Variants in RAD50 observed in about 807,000 individuals in gnomAD.
The protein encoded by RAD50 is RAD50 double strand break repair protein.
RAD50 carries 132 observed loss-of-function variants against 168.8 expected under a neutral mutation model. The observed-to-expected ratio is 0.78, with a 90% CI of 0.68 to 0.90. The LOEUF (loss-of-function observed/expected upper bound fraction) is 0.90, where lower values mean the gene tolerates loss of function less well. Ranked by LOEUF, RAD50 falls within the 40% of genes least tolerant of loss-of-function variation. The pLI, the probability that RAD50 is intolerant of heterozygous loss-of-function variation, is 0.00. For missense variants in RAD50, 1,347 were observed against 1,534.4 expected (o/e 0.88, Z 2.04); for synonymous variants, 525 against 497.4 (o/e 1.06, Z -0.74).
At chr5:132,557,512 T>C in intron 1 of RAD50, 59 bp downstream of exon 1, 1 of 1,604,934 alleles carries the variant, frequency 6.2e-7, no homozygotes, top group East Asian at 2.2e-5. Flanking sequence ...GAGAATAAAA[T>C]GGGAAGTTGA....
Position 132,595,749 on chromosome 5 carries a change from G to T in RAD50, c.2146G>T (p.Glu716Ter). 3 of 1,613,506 alleles carry T rather than the reference G, an allele frequency of 1.9e-6. No individual in the cohort carries two copies. The highest frequency in any genetic ancestry group is 2.5e-6 in the Non-Finnish European group (3 of 1,179,722). Residue 716 changes from glutamate (E) to a stop codon, truncating the protein, a stop_gained, in exon 13 of 25, where the codon GAA becomes TAA. Transcript: ENST00000378823. LOFTEE classifies it high-confidence loss of function. ...TGCTCCAGATAAACTCAAGTCAACA[G>T]AATCAGAGCTAAAAAAAAAGGAAAA... The part of the protein sequence containing the change: ...RLAPDKLKST[E>*]SELKKKEKRR...
At chr5:132,631,728 C>CAGG (rs761005077) in intron 21 of RAD50, among the ~76,000 whole-genome samples, 2 of 152,128 alleles carry the variant, frequency 1.3e-5, no homozygotes, top group Non-Finnish European at 2.9e-5. Context: ...GGTTCTTGTA[C>CAGG]AGGATCTCAC....
intron 1 of RAD50, among the ~76,000 whole-genome samples, chr5:132,558,448 C>T (rs968837486): frequency 1.3e-5 from 2 of 152,116 alleles, no homozygotes; most frequent in Admixed American, 6.5e-5. Flanking sequence ...CGGTGGCTCA[C>T]GCCTGTAATC....
At position 132,579,313 on chromosome 5, in the gene RAD50, G is replaced by A. The variant is rs554668304; in HGVS notation, c.366-4G>A. On this transcript the variant is annotated splice_polypyrimidine_tract_variant and splice_region_variant and intron_variant, in intron 3 of 24. Coordinates refer to ENST00000378823, the MANE Select transcript of RAD50 (RefSeq NM_005732.4). The stretch of plus-strand genomic sequence containing the variant: ...CATATATTCTTGATTTTCATTTTCT[G>A]TAGGCATGGTGAAAAGGTCAGTCTG... 3 of 1,612,948 alleles carry A rather than the reference G, an allele frequency of 1.9e-6. No individual in the cohort carries two copies. Among genetic ancestry groups the A allele is most frequent in the East Asian group, 2.2e-5 (1 of 44,844 alleles).
chr5:132,626,026 C>T (rs1268124201), intron 21 of RAD50, among the ~76,000 whole-genome samples: 4 of 152,022 alleles, frequency 2.6e-5, no homozygotes, highest in African/African-American at 9.7e-5. Flanking sequence ...CCTGCCACCA[C>T]ACCTGGCTAA....
At chr5:132,633,467 C>A (rs1751513902) in intron 21 of RAD50, among the ~76,000 whole-genome samples, 2 of 151,954 alleles carry the variant, frequency 1.3e-5, no homozygotes, top group Admixed American at 1.3e-4. Context: ...AATCTTTAGT[C>A]TTTTGATTTA....
In RAD50 at chr5:132,557,011, T is replaced by C. The variant is rs1161765376; in HGVS notation, c.-314T>C. 1 of 740,716 alleles carries C rather than the reference T, an allele frequency of 1.4e-6. No homozygotes were observed. Among genetic ancestry groups the C allele is most frequent in the Non-Finnish European group, 2.0e-6 (1 of 500,628 alleles). 45.9% of individuals were successfully genotyped at this position (740,716 alleles called of 1,614,324 possible). Reference sequence around the variant, plus strand: ...GCAGGGCGGCCGAGGCAGGAAGCTGTGAGTGCGCGGTTGCGGGGTCGCATT... The same window carrying C: ...GCAGGGCGGCCGAGGCAGGAAGCTGCGAGTGCGCGGTTGCGGGGTCGCATT... On this transcript the variant is annotated 5_prime_UTR_variant, in exon 1 of 25. Transcript: ENST00000378823.
chr5:132,580,238 A>T (rs1037659654), intron 5 of RAD50, among the ~76,000 whole-genome samples, 172 bp downstream of exon 5: 9 of 152,148 alleles, frequency 5.9e-5, no homozygotes, highest in Non-Finnish European at 1.3e-4. Flanking sequence ...GCAATTATAT[A>T]TTGTTATTAA....
chr5:132,591,874 T>C lies in RAD50; in HGVS notation c.1636-3T>C. On this transcript the variant is annotated splice_polypyrimidine_tract_variant and splice_region_variant and intron_variant, in intron 10 of 24. Transcript: ENST00000378823. ...TTTTAAAAGATTTTTTTTTTACCTA[T>C]AGGCTGACAAAGATGAACAAATCAG... 6.3e-7 allele frequency: 1 copy of C among 1,588,380 alleles called. No homozygotes were observed. Among genetic ancestry groups the C allele is most frequent in the Non-Finnish European group, 8.6e-7 (1 of 1,158,756 alleles).
intron 21 of RAD50, 55 bp downstream of exon 21, chr5:132,618,349 T>G: frequency 6.3e-7 from 1 of 1,598,072 alleles, no homozygotes; most frequent in Non-Finnish European, 8.5e-7. Flanking sequence ...TAACATACTT[T>G]AGTCATCTTT....
At chr5:132,592,767 T>C (rs1439799689) in intron 11 of RAD50, 1 of 467,006 alleles carries the variant, frequency 2.1e-6, no homozygotes, top group Admixed American at 2.4e-5. Flanking sequence ...TCTTCAGGAT[T>C]GTACTGGTAA....
rs985378011 is a variant in RAD50 at position 132,643,731 on chromosome 5, G to T, written c.*1367G>T. On this transcript the variant is annotated 3_prime_UTR_variant, in exon 25 of 25. Transcript: ENST00000378823. ...CCTGGGGGTGGTGGTGGGGTGGGGG[G>T]GGGTCCTAAATGTAATCACGAGTAA... The T allele has an allele frequency of 4.7e-6, 1 of 210,982 alleles. No individual in the cohort carries two copies. Among genetic ancestry groups the T allele is most frequent in the South Asian group, 2.0e-4 (1 of 4,976 alleles). The allele number at this position is 210,982 out of a possible 1,614,324, so 13.1% of individuals were successfully genotyped here.
In RAD50 at chr5:132,579,324, G is replaced by A. The variant is rs1431888048; in HGVS notation, c.373G>A (p.Glu125Lys). ...GATTTTCATTTTCTGTAGGCATGGT[G>A]AAAAGGTCAGTCTGAGCTCTAAGTG... ...EGVITRTKHG[E>K]KVSLSSKCAE... The change falls in exon 4 of 25, where the codon GAA (glutamate) becomes AAA (lysine). Residue 125 changes from glutamate (E) to lysine (K), a missense_variant. Glu to Lys is a moderately conservative substitution (Grantham distance 56). This residue lies in a region of RAD50 where 703 missense variants were observed against 767.7 expected (regional missense o/e 0.92). Transcript: ENST00000378823. 1 of 1,613,666 alleles carries A rather than the reference G, an allele frequency of 6.2e-7. No individual in the cohort carries two copies. Among genetic ancestry groups the A allele is most frequent in the Non-Finnish European group, 8.5e-7 (1 of 1,179,792 alleles).
Position 132,646,115 on chromosome 5 carries a change from C to CAAAA in RAD50, c.*3752_*3753insAAAA, listed in dbSNP as rs1418277656. 1 of 97,862 alleles carries CAAAA rather than the reference C, an allele frequency of 1.0e-5. No individual in the cohort carries two copies. Among genetic ancestry groups the CAAAA allele is most frequent in the Non-Finnish European group, 2.1e-5 (1 of 48,632 alleles). 6.1% of individuals were successfully genotyped at this position (97,862 alleles called of 1,614,324 possible). A position where few individuals can be genotyped will look rare whatever the true frequency, so the allele number is the denominator to read the frequency against. On this transcript the variant is annotated 3_prime_UTR_variant, in exon 25 of 25. Transcript: ENST00000378823. ...GACAAAAAAAAAAAAAAAAAAAAAG[C>CAAAA]AGCAGCAGCTGAAAGTTGGCAGGAG...
At chr5:132,589,461 A>G (rs1160066206) in intron 8 of RAD50, among the ~76,000 whole-genome samples, 170 bp from the exon 9 acceptor site, 6 of 152,214 alleles carry the variant, frequency 3.9e-5, no homozygotes, top group Non-Finnish European at 8.8e-5. Context: ...TCTGATGTTC[A>G]CACAATGATA....
chr5:132,636,082 T>C (rs1751576477), intron 21 of RAD50, among the ~76,000 whole-genome samples: 1 of 152,258 alleles, frequency 6.6e-6, no homozygotes, highest in African/African-American at 2.4e-5. Context: ...AGTTTCTTTT[T>C]TTGTATGCAT....
rs186639500 is a variant in RAD50 at position 132,562,556 on chromosome 5, A to G, written c.213+3189A>G. On this transcript the variant is annotated intron_variant, in intron 2 of 24. Coordinates refer to ENST00000378823, the MANE Select transcript of RAD50 (RefSeq NM_005732.4). ...AACAACTGGATAAAATAGTTTTGTC[A>G]TTTATTATAATAGGGGCACTATGGA... is the stretch of plus-strand genomic sequence containing the variant. 2.1e-3 allele frequency among the ~76,000 whole-genome samples: 326 copies of G among 152,224 alleles called. 5 individuals are homozygous for G. Among genetic ancestry groups the G allele is most frequent in the Admixed American group, 0.018 (281 of 15,286 alleles).
At chr5:132,568,950 A>G (rs1300163727) in intron 2 of RAD50, among the ~76,000 whole-genome samples, 1 of 152,224 alleles carries the variant, frequency 6.6e-6, no homozygotes, top group Non-Finnish European at 1.5e-5. Flanking sequence ...AAAGAATCCA[A>G]CTGTTTGTTG....
intron 5 of RAD50, among the ~76,000 whole-genome samples, chr5:132,580,291 A>C (rs770293380): frequency 6.6e-6 from 1 of 152,182 alleles, no homozygotes; most frequent in Non-Finnish European, 1.5e-5. Context: ...CTTGTATACT[A>C]AATAGGTAGT....
Sources: allele counts gnomAD v4.1 joint callset (sites outside exome capture counted in the v4.1 genomes callset), GRCh38; gene constraint gnomAD v4.1.1; regional missense constraint gnomAD v4.1.1; transcripts MANE v1.5; gene names NCBI Gene and HGNC (gene_info 2026-07-23, HGNC 2026-07-21).